CABIN1: variants seen among roughly 807,000 people sequenced by gnomAD.
CABIN1 encodes calcineurin-binding protein cabin-1.
Under a neutral mutation model 227.7 loss-of-function variants are expected in CABIN1, and 133 were observed. That is an observed-to-expected ratio of 0.58 (90% CI 0.51 to 0.67). CABIN1 has a LOEUF of 0.67. Among genes scored for constraint, CABIN1 ranks in the 30% least tolerant of loss-of-function variants. The pLI is 0.00. For synonymous variants in CABIN1, 1,086 were observed against 1,155.1 expected (o/e 0.94, Z 1.21); for missense variants, 2,408 against 2,852.5 (o/e 0.84, Z 3.55).
Position 24,171,765 on chromosome 22 carries a change from ACTT to A in CABIN1, c.5814_5816del (p.Phe1939del), listed in dbSNP as rs2046825232. ...AAGCACCCCAAAGACAGCCGAGAGA[ACTT>A]CTTTCCTGTGACAGTGGTGCCCACA... On this transcript the variant is annotated inframe_deletion, in exon 34 of 37. Transcript: ENST00000263119. 6.2e-7 allele frequency: 1 copy of A among 1,614,138 alleles called. No individual in the cohort carries two copies. Among genetic ancestry groups the A allele is most frequent in the East Asian group, 2.2e-5 (1 of 44,882 alleles).
At chr22:24,082,214 C>A (rs1471988685) in intron 19 of CABIN1, among the ~76,000 whole-genome samples, 3 of 151,808 alleles carry the variant, frequency 2.0e-5, no homozygotes, top group African/African-American at 7.3e-5. Flanking sequence ...CTTAGCCTCC[C>A]ACGTAGCTGG....
chr22:24,101,865 G>A (rs1281184949), intron 26 of CABIN1: 1 of 138,670 alleles, frequency 7.2e-6, no homozygotes, highest in African/African-American at 3.3e-5. Context: ...ATGCGTGTAT[G>A]TATGTGTGTG....
chr22:24,015,907 G>T (rs986414844), intron 1 of CABIN1, among the ~76,000 whole-genome samples: 1 of 152,134 alleles, frequency 6.6e-6, no homozygotes, highest in African/African-American at 2.4e-5. Flanking sequence ...GCAGAGAGCC[G>T]AGATCGCGCC....
intron 25 of CABIN1, among the ~76,000 whole-genome samples, chr22:24,096,429 A>G (rs1423017755): frequency 6.6e-6 from 1 of 152,176 alleles, no homozygotes; most frequent in Admixed American, 6.5e-5. Flanking sequence ...TTTGCTTTGC[A>G]GACTCTCACC....
Position 24,085,010 on chromosome 22 carries a change from C to G in CABIN1, c.3122C>G (p.Pro1041Arg). ...AYIEGTSTEV[P>R]CLPEGADPSP... is the part of the protein sequence containing the mutation. ...ACTTTTCCTCTCACCTGCCAGGTAC[C>G]CTGCCTCCCAGAGGGGGCTGACCCC... Residue 1041 changes from proline (P) to arginine (R), a missense_variant, in exon 22 of 37, where the codon CCC becomes CGC. Pro to Arg is a moderately radical substitution (Grantham distance 103). This residue lies in a region of CABIN1 where 649 missense variants were observed against 910.3 expected (regional missense o/e 0.71). Coordinates refer to ENST00000263119, the MANE Select transcript of CABIN1 (RefSeq NM_012295.4). 6.2e-7 allele frequency: 1 copy of G among 1,614,224 alleles called. No individual in the cohort carries two copies. Among genetic ancestry groups the G allele is most frequent in the South Asian group, 1.1e-5 (1 of 91,076 alleles).
chr22:24,041,116 CTTCTG>C lies in CABIN1; in HGVS notation c.211-15_211-11del, dbSNP rs2037335843. ...CTGAGGCTTCAAGGTCTAGTTGTCA[CTTCTG>C]TTCTGTTTTGTTCACAGGCAGTTTC... On this transcript the variant is annotated intron_variant, in intron 4 of 36. Transcript: ENST00000263119. 4 of 1,614,104 alleles carry C rather than the reference CTTCTG, an allele frequency of 2.5e-6. No individual in the cohort carries two copies. Among genetic ancestry groups the C allele is most frequent in the Non-Finnish European group, 3.4e-6 (4 of 1,179,978 alleles).
chr22:24,039,947 G>T (rs922795934), intron 4 of CABIN1, among the ~76,000 whole-genome samples: 2 of 152,246 alleles, frequency 1.3e-5, no homozygotes, highest in African/African-American at 4.8e-5. Flanking sequence ...CACCCTGACT[G>T]GTGGGTGTCC....
Position 24,171,764 on chromosome 22 carries a change from A to C in CABIN1, c.5809A>C (p.Asn1937His). The part of the protein sequence containing the change: ...TPKHPKDSRE[N>H]FFPVTVVPTA... ...AAAGCACCCCAAAGACAGCCGAGAG[A>C]ACTTCTTTCCTGTGACAGTGGTGCC... Residue 1937 changes from asparagine (N) to histidine (H), a missense_variant, in exon 34 of 37, where the codon AAC becomes CAC. Asn to His is a moderately conservative substitution (Grantham distance 68). Coordinates refer to ENST00000263119, the MANE Select transcript of CABIN1 (RefSeq NM_012295.4). The C allele has an allele frequency of 6.2e-7, 1 of 1,614,116 alleles. No homozygotes were observed. The highest frequency in any genetic ancestry group is 8.5e-7 in the Non-Finnish European group (1 of 1,180,006).
At chr22:24,166,063 G>A (rs970514733) in intron 31 of CABIN1, among the ~76,000 whole-genome samples, 1 of 152,216 alleles carries the variant, frequency 6.6e-6, no homozygotes, top group East Asian at 1.9e-4. Flanking sequence ...GCCAGCCTAC[G>A]AGGTGGGGCT....
intron 34 of CABIN1, among the ~76,000 whole-genome samples, 178 bp downstream of exon 34, chr22:24,172,173 G>A (rs1423127217): frequency 6.6e-6 from 1 of 152,230 alleles, no homozygotes; most frequent in African/African-American, 2.4e-5. Context: ...CAGCCTCGGT[G>A]GCCCTGGTCA....
rs189069309 is a variant in CABIN1 at position 24,080,343 on chromosome 22, C to T, written c.2749-2885C>T. Among the ~76,000 whole-genome samples, 200 of 152,312 alleles carry T rather than the reference C, an allele frequency of 1.3e-3. 1 individual carries two copies. The highest frequency in any genetic ancestry group is 2.3e-3 in the Non-Finnish European group (155 of 68,034). On this transcript the variant is annotated intron_variant, in intron 19 of 36. Transcript: ENST00000263119. ...AACCTACTCACGTACCTCTTAGTCT[C>T]TTGGCTATTCTTGGCCTTTTCCTCT...
At chr22:24,166,496 A>T in intron 31 of CABIN1, 143 bp from the exon 32 acceptor site, 5 of 1,028,060 alleles carry the variant, frequency 4.9e-6, no homozygotes, top group Non-Finnish European at 7.5e-6. Flanking sequence ...TAACTGAAAC[A>T]CAGCCCTGGC....
intron 14 of CABIN1, 25 bp downstream of exon 14, chr22:24,063,171 G>A (rs1426770176): frequency 2.5e-6 from 4 of 1,612,360 alleles, no homozygotes; most frequent in African/African-American, 2.7e-5. Flanking sequence ...CAGCTGCTTG[G>A]GGAGCATGCC....
rs371389370 is a variant in CABIN1 at position 24,056,508 on chromosome 22, A to T, written c.1262+148A>T. On this transcript the variant is annotated intron_variant, in intron 10 of 36. Coordinates refer to ENST00000263119, the MANE Select transcript of CABIN1 (RefSeq NM_012295.4). Reference sequence around the variant, plus strand: ...ATCTGTGCAGATGTCTGAAGCACAAATCTCACTGGAGTAGGATCTTGGATT... The same window carrying T: ...ATCTGTGCAGATGTCTGAAGCACAATTCTCACTGGAGTAGGATCTTGGATT... The T allele has an allele frequency of 1.2e-3, 983 of 790,818 alleles. 13 individuals are homozygous for T. In the South Asian group the frequency reaches 0.015, roughly 12 times the overall value. 49.0% of individuals were successfully genotyped at this position (790,818 alleles called of 1,614,324 possible). A position where few individuals can be genotyped will look rare whatever the true frequency, so the allele number is the denominator to read the frequency against.
chr22:24,124,884 C>T (rs1481572679), intron 28 of CABIN1, among the ~76,000 whole-genome samples: 1 of 152,136 alleles, frequency 6.6e-6, no homozygotes, highest in Admixed American at 6.5e-5. Context: ...AAGATGTTCC[C>T]TGGAGCCAAT....
intron 15 of CABIN1, among the ~76,000 whole-genome samples, chr22:24,065,572 C>G (rs2039576983): frequency 6.6e-6 from 1 of 152,094 alleles, no homozygotes; most frequent in South Asian, 2.1e-4. Context: ...GGCGGCCAGG[C>G]AGAGACGCTC....
rs1372329723 is a variant in CABIN1 at position 24,166,831 on chromosome 22, G to A, written c.5200G>A (p.Ala1734Thr). 16 of 1,612,904 alleles carry A rather than the reference G, an allele frequency of 9.9e-6. No individual in the cohort carries two copies. The East Asian group carries it at 3.6e-4, about 36-fold the overall frequency. Residue 1734 changes from alanine (A) to threonine (T), a missense_variant, in exon 32 of 37, where the codon GCC (alanine) becomes ACC (threonine). Around this residue, in one of 3 missense-constraint regions of CABIN1, gnomAD observed 714 missense variants for 773.8 expected, o/e 0.92. Coordinates refer to ENST00000263119, the MANE Select transcript of CABIN1 (RefSeq NM_012295.4). ...GGGCCTCCTCAACCACCGGCCTGTGGCCATGGATGCAGGAGACAGTGCAGA... is the reference window on the plus strand; with the variant it reads ...GGGCCTCCTCAACCACCGGCCTGTGACCATGGATGCAGGAGACAGTGCAGA... ...KVGLLNHRPVAMDAGDSADQS... is the reference protein window; with the variant it reads ...KVGLLNHRPVTMDAGDSADQS...
At chr22:24,167,831 A>C (rs921573599) in intron 32 of CABIN1, among the ~76,000 whole-genome samples, 1 of 152,174 alleles carries the variant, frequency 6.6e-6, no homozygotes, top group African/African-American at 2.4e-5. Context: ...TTTGCAATGC[A>C]TCCTACCCCC....
chr22:24,103,741 A>C (rs2042346889), intron 26 of CABIN1, among the ~76,000 whole-genome samples: 1 of 152,152 alleles, frequency 6.6e-6, no homozygotes, highest in Non-Finnish European at 1.5e-5. Flanking sequence ...GAAAACCTTT[A>C]GGAGTTAGCT....
Sources: allele counts gnomAD v4.1 joint callset (sites outside exome capture counted in the v4.1 genomes callset), GRCh38; gene constraint gnomAD v4.1.1; regional missense constraint gnomAD v4.1.1; transcripts MANE v1.5; gene names NCBI Gene and HGNC (gene_info 2026-07-23, HGNC 2026-07-21).